The following EPB41 variants were observed in gnomAD, a reference collection of about 807,000 sequenced individuals.
EPB41 encodes the protein erythrocyte membrane protein band 4.1.
EPB41 carries 65 observed loss-of-function variants against 108.0 expected under a neutral mutation model. The observed-to-expected ratio is 0.60, with a 90% CI of 0.49 to 0.74. The LOEUF (loss-of-function observed/expected upper bound fraction) is 0.74, where lower values mean the gene tolerates loss of function less well. Ranked by LOEUF, EPB41 falls within the 30% of genes least tolerant of loss-of-function variation. EPB41 has a pLI of 0.00. For synonymous variants in EPB41, 336 were observed against 358.9 expected, an observed-to-expected ratio of 0.94 and a Z score of 0.72; for missense variants, 875 against 1,037.0, an observed-to-expected ratio of 0.84 and a Z score of 2.15.
At chr1:29,092,950 C>T (rs182604002) in intron 16 of EPB41, among the ~76,000 whole-genome samples, 2 of 152,014 alleles carry the variant, frequency 1.3e-5, no homozygotes, top group Admixed American at 6.6e-5. Flanking sequence ...ATCTAATTTG[C>T]GATTGATGGG....
intron 1 of EPB41, among the ~76,000 whole-genome samples, chr1:28,945,516 G>A (rs2094459639): frequency 6.6e-6 from 1 of 152,094 alleles, no homozygotes; most frequent in African/African-American, 2.4e-5. Flanking sequence ...AGTGTTAAAT[G>A]TAACTTTTAT....
intron 1 of EPB41, among the ~76,000 whole-genome samples, chr1:28,908,442 T>TA (rs200274604): frequency 0.15 from 17,964 of 123,448 alleles, 1,578 homozygotes; most frequent in African/African-American, 0.28. Flanking sequence ...TTATTATTAT[T>TA]TTTTTTTGAG....
rs2092669816 is a variant in EPB41, at chr1:28,916,352, T to C, written c.-8+1584T>C. ...ATCTTTGGCACTATTAAAAGTGAAC[T>C]ATGTCGGGCACGGTGGCTCACGCCT... On this transcript the variant is annotated intron_variant, in intron 1 of 20. Transcript: ENST00000343067. Among the ~76,000 whole-genome samples, 3 of 152,140 alleles carry C rather than the reference T, an allele frequency of 2.0e-5. No homozygotes were observed. In the South Asian group the frequency reaches 6.2e-4, roughly 32 times the overall value.
intron 1 of EPB41, among the ~76,000 whole-genome samples, chr1:28,902,785 C>G (rs1481514935): frequency 6.6e-6 from 1 of 152,140 alleles, no homozygotes; most frequent in Admixed American, 6.5e-5. Context: ...GACTCAGGAG[C>G]CTGAGCTTAA....
chr1:29,088,007 C>T (rs1209158020), intron 16 of EPB41, among the ~76,000 whole-genome samples: 2 of 147,828 alleles, frequency 1.4e-5, no homozygotes, highest in Non-Finnish European at 3.0e-5. Context: ...GGCAGCCAAT[C>T]TTTCTATCAT....
At chr1:29,098,359 T>A (rs1242133249) in intron 17 of EPB41, among the ~76,000 whole-genome samples, 1 of 152,064 alleles carries the variant, frequency 6.6e-6, no homozygotes, top group African/African-American at 2.4e-5. Flanking sequence ...CACGCCTGGC[T>A]AATTTTTTTG....
intron 1 of EPB41, among the ~76,000 whole-genome samples, chr1:28,978,266 A>T (rs34942076): frequency 0.069 from 10,440 of 151,454 alleles, 622 homozygotes; most frequent in Non-Finnish European, 0.1. Context: ...CTAACTCTTC[A>T]TATGTCTTAA....
intron 1 of EPB41, among the ~76,000 whole-genome samples, chr1:28,974,762 A>G (rs1173375237): frequency 2.0e-5 from 3 of 151,118 alleles, no homozygotes; most frequent in Non-Finnish European, 4.4e-5. Context: ...CAAGATATTA[A>G]TCTCTCTTCT....
intron 1 of EPB41, among the ~76,000 whole-genome samples, chr1:28,909,304 A>G (rs1306597284): frequency 6.6e-6 from 1 of 152,076 alleles, no homozygotes; most frequent in African/African-American, 2.4e-5. Flanking sequence ...TGTACACTGA[A>G]AAGTACACAA....
At chr1:29,056,255 CAACAA>C (rs1184414197) in intron 12 of EPB41, among the ~76,000 whole-genome samples, 283 of 146,720 alleles carry the variant, frequency 1.9e-3, no homozygotes, top group African/African-American at 3.9e-3. Flanking sequence ...AAACAAAAAA[CAACAA>C]AACAAAACAA....
intron 17 of EPB41, 143 bp from the exon 18 acceptor site, chr1:29,109,193 C>T (rs1033111975): frequency 1.0e-4 from 70 of 696,920 alleles, no homozygotes; most frequent in African/African-American, 6.9e-4. Flanking sequence ...AGTGAAACTC[C>T]GTCTCAAAAA....
intron 8 of EPB41, among the ~76,000 whole-genome samples, chr1:29,031,553 T>G (rs982382813): frequency 1.3e-5 from 2 of 152,146 alleles, no homozygotes; most frequent in Non-Finnish European, 2.9e-5. Flanking sequence ...TTGTTAGAAA[T>G]GCACATTTCA....
chr1:29,005,326 C>T (rs1362247928), intron 4 of EPB41, among the ~76,000 whole-genome samples: 3 of 152,122 alleles, frequency 2.0e-5, no homozygotes, highest in African/African-American at 7.2e-5. Flanking sequence ...GGAAATCTAC[C>T]CCCATGATCC....
chr1:28,894,696 A>G (rs2090477458), intron 1 of EPB41, among the ~76,000 whole-genome samples: 1 of 152,026 alleles, frequency 6.6e-6, no homozygotes. Flanking sequence ...GTGACCCTGG[A>G]CAAGGCATGC....
chr1:28,911,033 G>A, upstream of EPB41: 4 of 985,362 alleles, frequency 4.1e-6, no homozygotes, highest in African/African-American at 1.7e-5. Flanking sequence ...GTACCTGATG[G>A]CAGTCTCTGC....
intron 11 of EPB41, among the ~76,000 whole-genome samples, chr1:29,049,666 C>T (rs889359767): frequency 1.3e-5 from 2 of 152,122 alleles, no homozygotes; most frequent in African/African-American, 4.8e-5. Context: ...AGTTGTTTGC[C>T]TTTACTCAGT....
At chr1:29,055,235 A>C (rs1264396111) in intron 12 of EPB41, among the ~76,000 whole-genome samples, 1 of 152,180 alleles carries the variant, frequency 6.6e-6, no homozygotes, top group East Asian at 1.9e-4. Flanking sequence ...CTACCTCTTC[A>C]GTTCTTAATG....
intron 15 of EPB41, among the ~76,000 whole-genome samples, chr1:29,063,403 A>T (rs1646860050): frequency 6.6e-6 from 1 of 152,216 alleles, no homozygotes; most frequent in African/African-American, 2.4e-5. Context: ...ATCTCAAAGC[A>T]GGTATACATG....
intron 17 of EPB41, among the ~76,000 whole-genome samples, chr1:29,101,866 C>G (rs1217711083): frequency 6.6e-6 from 1 of 151,934 alleles, no homozygotes; most frequent in Non-Finnish European, 1.5e-5. Context: ...TGCCACTGCA[C>G]TCCAGCCTGG....
Sources: allele counts gnomAD v4.1 joint callset (sites outside exome capture counted in the v4.1 genomes callset), GRCh38; gene constraint gnomAD v4.1.1; transcripts MANE v1.5; gene names NCBI Gene and HGNC (gene_info 2026-07-23, HGNC 2026-07-21).